Variants in VAT1L observed in about 807,000 individuals in gnomAD.
VAT1L encodes putative NADPH-dependent quinone oxidoreductase VAT1L.
In VAT1L, 34 loss-of-function variants were observed where a neutral mutation model predicts 44.1. The ratio of observed to expected loss-of-function variants is 0.77; its 90% CI spans 0.59 to 1.03. The LOEUF (loss-of-function observed/expected upper bound fraction) is 1.03. VAT1L is among the 50% of genes least tolerant of loss of function. The pLI is 0.00. For missense variants in VAT1L, 615 were observed against 538.8 expected (o/e 1.14, Z -1.40); for synonymous variants, 253 against 202.2 (o/e 1.25, Z -2.13).
At chr16:77,837,332 A>G (rs2016650504) in intron 3 of VAT1L, among the ~76,000 whole-genome samples, 1 of 152,288 alleles carries the variant, frequency 6.6e-6, no homozygotes, top group Non-Finnish European at 1.5e-5. Context: ...TCTGGCTGAA[A>G]TTAAACCCCA....
At chr16:77,831,675 G>A (rs1452781939) in intron 3 of VAT1L, among the ~76,000 whole-genome samples, 4 of 152,160 alleles carry the variant, frequency 2.6e-5, no homozygotes, top group Non-Finnish European at 4.4e-5. Context: ...AGACAAAGGA[G>A]CTATGAGAAA....
intron 2 of VAT1L, among the ~76,000 whole-genome samples, chr16:77,824,915 G>A (rs1342016427): frequency 4.5e-5 from 6 of 133,080 alleles, no homozygotes; most frequent in Non-Finnish European, 9.3e-5. Context: ...TGCCCAGGCT[G>A]GAGTGCAATG....
At chr16:77,794,369 T>C (rs1432594494) in intron 1 of VAT1L, among the ~76,000 whole-genome samples, 1 of 152,188 alleles carries the variant, frequency 6.6e-6, no homozygotes, top group Non-Finnish European at 1.5e-5. Context: ...TGGGATGCTT[T>C]GGGGGATCCA....
At chr16:77,941,076 T>G (rs1390562090) in intron 7 of VAT1L, among the ~76,000 whole-genome samples, 1 of 152,228 alleles carries the variant, frequency 6.6e-6, no homozygotes, top group Non-Finnish European at 1.5e-5. Flanking sequence ...TGGCAAATAA[T>G]ACTGATTTTT....
chr16:77,942,741 TG>T (rs1385395191), intron 7 of VAT1L, among the ~76,000 whole-genome samples: 1 of 152,070 alleles, frequency 6.6e-6, no homozygotes, highest in Non-Finnish European at 1.5e-5. Context: ...TGTTGTTTTT[TG>T]TTTTTTGTCT....
intron 3 of VAT1L, among the ~76,000 whole-genome samples, chr16:77,831,982 ATTTT>A (rs151275500): frequency 1.0e-4 from 13 of 125,964 alleles, no homozygotes; most frequent in African/African-American, 2.1e-4. Flanking sequence ...TGCCCGGCTA[ATTTT>A]TTTTTTTTTT....
intron 4 of VAT1L, among the ~76,000 whole-genome samples, chr16:77,875,583 C>A (rs913719291): frequency 2.6e-5 from 4 of 152,126 alleles, no homozygotes; most frequent in African/African-American, 9.7e-5. Context: ...GTAAAAGTTG[C>A]TTACATGCAT....
At chr16:77,877,430 A>G (rs1007127812) in intron 5 of VAT1L, among the ~76,000 whole-genome samples, 6 of 147,114 alleles carry the variant, frequency 4.1e-5, no homozygotes, top group Admixed American at 1.4e-4. Context: ...GGAGAATGGC[A>G]TGAACCCGGG....
chr16:77,974,429 C>T (rs990812052), intron 8 of VAT1L, among the ~76,000 whole-genome samples: 4 of 152,174 alleles, frequency 2.6e-5, no homozygotes, highest in Admixed American at 6.5e-5. Flanking sequence ...CCCAAGTCCT[C>T]GGGCTGATAG....
intron 3 of VAT1L, among the ~76,000 whole-genome samples, chr16:77,829,377 G>A (rs1287340327): frequency 6.6e-6 from 1 of 152,194 alleles, no homozygotes; most frequent in Non-Finnish European, 1.5e-5. Flanking sequence ...ACTTCTGTCC[G>A]AGTTTCATCA....
At chr16:77,809,436 GA>G (rs1244188895) in intron 1 of VAT1L, among the ~76,000 whole-genome samples, 1 of 144,760 alleles carries the variant, frequency 6.9e-6, no homozygotes, top group African/African-American at 2.5e-5. Context: ...AGCCCTCTCA[GA>G]AAGAGTCCAT....
chr16:77,842,325 G>A (rs1011385115), intron 3 of VAT1L, among the ~76,000 whole-genome samples: 1 of 152,194 alleles, frequency 6.6e-6, no homozygotes, highest in African/African-American at 2.4e-5. Context: ...CTCAGTGTCT[G>A]GCCCTGTACA....
At chr16:77,945,358 C>A (rs1597114123) in intron 7 of VAT1L, among the ~76,000 whole-genome samples, 1 of 137,808 alleles carries the variant, frequency 7.3e-6, no homozygotes, top group South Asian at 2.4e-4. Context: ...GCAGTCATAG[C>A]TCACCGCAGC....
chr16:77,875,393 TA>T (rs2017077230), intron 4 of VAT1L, among the ~76,000 whole-genome samples: 1 of 152,188 alleles, frequency 6.6e-6, no homozygotes, highest in African/African-American at 2.4e-5. Flanking sequence ...AAAATTGAGA[TA>T]TTTGCTAAGA....
Position 77,788,929 on chromosome 16 carries a change from G to A in VAT1L, c.233+14G>A. 1 of 1,462,118 alleles carries A rather than the reference G, an allele frequency of 6.8e-7. No individual in the cohort carries two copies. Among genetic ancestry groups the A allele is most frequent in the Non-Finnish European group, 9.0e-7 (1 of 1,107,924 alleles). 90.6% of individuals were successfully genotyped at this position (1,462,118 alleles called of 1,614,324 possible). ...CGTCAAAGCCTGGTCCAGTATCCGC[G>A]CCTTTCTCGCTTTCTCTCTTTTTGC... On this transcript the variant is annotated intron_variant, in intron 1 of 8. Coordinates refer to ENST00000302536, the MANE Select transcript of VAT1L (RefSeq NM_020927.3).
chr16:77,833,504 A>G lies in VAT1L; in HGVS notation c.579+8043A>G, dbSNP rs185717429. Among the ~76,000 whole-genome samples, 19 of 151,704 alleles carry G rather than the reference A, an allele frequency of 1.3e-4. No homozygotes were observed. In the East Asian group the frequency reaches 3.2e-3, roughly 25 times the overall value. On this transcript the variant is annotated intron_variant, in intron 3 of 8. Transcript: ENST00000302536. Reference sequence around the variant, plus strand: ...GTGGTGGCTTACGCCTGTAATCCCAACACTTTGGGAGGCCGAGGCGGGCAG... The same window carrying G: ...GTGGTGGCTTACGCCTGTAATCCCAGCACTTTGGGAGGCCGAGGCGGGCAG...
At chr16:77,899,954 G>T (rs2017363102) in intron 7 of VAT1L, among the ~76,000 whole-genome samples, 1 of 152,214 alleles carries the variant, frequency 6.6e-6, no homozygotes, top group Non-Finnish European at 1.5e-5. Flanking sequence ...TTGTTTGGCA[G>T]TTGGACATAC....
intron 7 of VAT1L, among the ~76,000 whole-genome samples, chr16:77,895,428 A>G (rs1354611314): frequency 2.0e-5 from 3 of 152,186 alleles, no homozygotes; most frequent in Non-Finnish European, 4.4e-5. Flanking sequence ...CAAGGAGAAT[A>G]CCCTGGATCA....
chr16:77,934,415 G>T (rs546760227), intron 7 of VAT1L, among the ~76,000 whole-genome samples: 1 of 152,128 alleles, frequency 6.6e-6, no homozygotes, highest in South Asian at 2.1e-4. Context: ...GCCTTGAGCT[G>T]GGGAGATTTG....
Sources: allele counts gnomAD v4.1 joint callset (sites outside exome capture counted in the v4.1 genomes callset), GRCh38; gene constraint gnomAD v4.1.1; transcripts MANE v1.5; gene names NCBI Gene and HGNC (gene_info 2026-07-23, HGNC 2026-07-21).